MRPL15: variants seen among roughly 807,000 people sequenced by gnomAD.
MRPL15 encodes large ribosomal subunit protein uL15m.
MRPL15 carries 24 observed loss-of-function variants against 28.0 expected under a neutral mutation model. That is an observed-to-expected ratio of 0.86 (90% CI 0.62 to 1.21). MRPL15 has a LOEUF of 1.21. Ranked by LOEUF, MRPL15 falls within the 50% of genes most tolerant of loss-of-function variation. MRPL15 has a pLI of 0.00. For synonymous variants in MRPL15, 124 were observed against 137.0 expected, an observed-to-expected ratio of 0.90 and a Z score of 0.66; for missense variants, 343 against 372.4, an observed-to-expected ratio of 0.92 and a Z score of 0.65.
rs1042519496 is a variant in MRPL15 at position 54,135,328 on chromosome 8, A to T, written c.45A>T (p.Leu15=). The T allele has an allele frequency of 7.4e-6, 11 of 1,488,938 alleles. No individual in the cohort carries two copies. The highest frequency in any genetic ancestry group is 8.1e-6 in the Non-Finnish European group (9 of 1,115,850). 92.2% of individuals were successfully genotyped at this position (1,488,938 alleles called of 1,614,324 possible). The change falls in exon 1 of 5, where the codon CTA becomes CTT. Residue 15 remains leucine, a synonymous_variant. Coordinates refer to ENST00000260102, the MANE Select transcript of MRPL15 (RefSeq NM_014175.4). ...LQGGGARALD[L]LRGLPRVSLA... is the part of the protein sequence containing the mutation. Reference sequence around the variant, plus strand: ...GCGGTGGGGCCCGGGCCCTGGACCTACTCCGGGGCCTGCCGCGTGTGAGCC... The same window carrying T: ...GCGGTGGGGCCCGGGCCCTGGACCTTCTCCGGGGCCTGCCGCGTGTGAGCC...
intron 1 of MRPL15, 133 bp from the exon 2 acceptor site, chr8:54,136,378 A>G: frequency 1.1e-6 from 1 of 920,150 alleles, no homozygotes. Flanking sequence ...AGCAACTAGG[A>G]CATGCTTGAC....
rs768332014 is a variant in MRPL15, at chr8:54,136,527, G to T, written c.125G>T (p.Gly42Val). 1 of 1,613,792 alleles carries T rather than the reference G, an allele frequency of 6.2e-7. No homozygotes were observed. The highest frequency in any genetic ancestry group is 8.5e-7 in the Non-Finnish European group (1 of 1,179,900). ...GSKKPERRPR[G>V]RRRGRKCGRG... is the part of the protein sequence containing the mutation. ...TCCTTGCAGGAGAGAAGACCAAGAGGTCGGAGAAGAGGTAGAAAATGTGGC... is the reference window on the plus strand; with the variant it reads ...TCCTTGCAGGAGAGAAGACCAAGAGTTCGGAGAAGAGGTAGAAAATGTGGC... The change falls in exon 2 of 5, where the codon GGT becomes GTT. Residue 42 changes from glycine to valine, a missense_variant. Transcript: ENST00000260102.
At chr8:54,142,282 G>T (rs1783758045) in intron 3 of MRPL15, among the ~76,000 whole-genome samples, 1 of 152,004 alleles carries the variant, frequency 6.6e-6, no homozygotes, top group Admixed American at 6.6e-5. Context: ...AGCCTCCTGA[G>T]TAGCTGGGAC....
chr8:54,137,756 G>T (rs1810852283), intron 3 of MRPL15, among the ~76,000 whole-genome samples: 1 of 151,478 alleles, frequency 6.6e-6, no homozygotes, highest in South Asian at 2.1e-4. Flanking sequence ...GAGCCACCAT[G>T]CCTGGCCCGT....
chr8:54,143,322 A>G (rs750611718), intron 4 of MRPL15, among the ~76,000 whole-genome samples: 28 of 151,948 alleles, frequency 1.8e-4, no homozygotes, highest in Non-Finnish European at 3.1e-4. Context: ...CAAATGGTCC[A>G]CCCTTCTCAG....
At chr8:54,143,610 T>C (rs1810969970) in intron 4 of MRPL15, among the ~76,000 whole-genome samples, 1 of 152,206 alleles carries the variant, frequency 6.6e-6, no homozygotes, top group Admixed American at 6.5e-5. Flanking sequence ...GTTGCCTCTC[T>C]GTTTTGCTTC....
At chr8:54,140,783 C>T (rs1249443261) in intron 3 of MRPL15, among the ~76,000 whole-genome samples, 3 of 151,530 alleles carry the variant, frequency 2.0e-5, no homozygotes, top group Non-Finnish European at 4.4e-5. Flanking sequence ...AGGGTTTCAC[C>T]GTGTTAGCCA....
At chr8:54,135,570 C>CTTTTTTT (rs537299219) in intron 1 of MRPL15, among the ~76,000 whole-genome samples, 179 bp downstream of exon 1, 3 of 116,910 alleles carry the variant, frequency 2.6e-5, no homozygotes, top group Non-Finnish European at 3.8e-5. Flanking sequence ...GCACCCAGTT[C>CTTTTTTT]TTTTTTTTTT....
rs566354141 is a variant in MRPL15, at chr8:54,145,723, A to G, written c.554-1659A>G. 1.4e-3 allele frequency among the ~76,000 whole-genome samples: 205 copies of G among 151,804 alleles called. 2 individuals carry two copies. The highest frequency in any genetic ancestry group is 4.7e-3 in the African/African-American group (196 of 41,388). ...ACTCCTGCGCTCAAGCAATTCTCCT[A>G]CCTCCCAAGGTGCTGGCATTAAAAG... On this transcript the variant is annotated intron_variant, in intron 4 of 4. Transcript: ENST00000260102.
At chr8:54,145,615 A>T (rs924196674) in intron 4 of MRPL15, among the ~76,000 whole-genome samples, 2 of 152,058 alleles carry the variant, frequency 1.3e-5, no homozygotes, top group African/African-American at 4.8e-5. Flanking sequence ...CTGGGACTAC[A>T]GGTGCATGTC....
intron 4 of MRPL15, among the ~76,000 whole-genome samples, chr8:54,143,104 A>G (rs1810958131): frequency 6.6e-6 from 1 of 151,740 alleles, no homozygotes; most frequent in Non-Finnish European, 1.5e-5. Flanking sequence ...TTTTTAAGAC[A>G]GAGTCTTGCT....
At chr8:54,144,302 C>G (rs1207496243) in intron 4 of MRPL15, among the ~76,000 whole-genome samples, 1 of 152,096 alleles carries the variant, frequency 6.6e-6, no homozygotes, top group Non-Finnish European at 1.5e-5. Context: ...TTCTTTGATG[C>G]TTTTACATTC....
chr8:54,147,344 A>G (rs892309583), intron 4 of MRPL15, 38 bp from the exon 5 acceptor site: 4 of 1,490,596 alleles, frequency 2.7e-6, no homozygotes, highest in Non-Finnish European at 3.6e-6. Flanking sequence ...ATGAGCTAAT[A>G]TTTGCATCTC....
At chr8:54,135,521 C>T in intron 1 of MRPL15, 130 bp downstream of exon 1, 1 of 601,414 alleles carries the variant, frequency 1.7e-6, no homozygotes, top group Non-Finnish European at 2.7e-6. Context: ...TGCCTCATGC[C>T]TGTTCTCCCT....
chr8:54,136,316 A>C (rs761099293), intron 1 of MRPL15, among the ~76,000 whole-genome samples, 195 bp from the exon 2 acceptor site: 1 of 152,182 alleles, frequency 6.6e-6, no homozygotes, highest in Non-Finnish European at 1.5e-5. Context: ...TGGTTACAAG[A>C]ATTAGCTATG....
intron 3 of MRPL15, among the ~76,000 whole-genome samples, chr8:54,138,170 G>A (rs1810861266): frequency 6.6e-6 from 1 of 151,524 alleles, no homozygotes; most frequent in African/African-American, 2.4e-5. Flanking sequence ...TGGCCAAGCT[G>A]GTCTTGAACA....
chr8:54,136,890 C>T (rs567385484), intron 2 of MRPL15, among the ~76,000 whole-genome samples: 1 of 152,170 alleles, frequency 6.6e-6, no homozygotes, highest in South Asian at 2.1e-4. Flanking sequence ...ATTCTAATGC[C>T]AGCTCTAATG....
At chr8:54,144,714 G>A (rs532587042) in intron 4 of MRPL15, among the ~76,000 whole-genome samples, 185 of 152,096 alleles carry the variant, frequency 1.2e-3, no homozygotes, top group African/African-American at 4.3e-3. Context: ...AGGTTGTAGT[G>A]AGCTGAGATC....
chr8:54,135,660 G>A (rs902250533), intron 1 of MRPL15, among the ~76,000 whole-genome samples: 1 of 150,272 alleles, frequency 6.7e-6, no homozygotes, highest in African/African-American at 2.5e-5. Context: ...GATTAGCTGG[G>A]ATTACAGGCG....
Sources: allele counts gnomAD v4.1 joint callset (sites outside exome capture counted in the v4.1 genomes callset), GRCh38; gene constraint gnomAD v4.1.1; transcripts MANE v1.5; gene names NCBI Gene and HGNC (gene_info 2026-07-23, HGNC 2026-07-21).